UNC13B: variants seen among roughly 807,000 people sequenced by gnomAD.
UNC13B encodes the protein unc-13 homolog B.
A neutral mutation model predicts 211.0 loss-of-function variants in UNC13B; 144 were observed. The ratio of observed to expected loss-of-function variants is 0.68; its 90% CI spans 0.60 to 0.78. The LOEUF (loss-of-function observed/expected upper bound fraction) is 0.78, where lower values mean the gene tolerates loss of function less well. UNC13B is among the 30% of genes least tolerant of loss of function. The pLI is 0.00. For missense variants in UNC13B, 1,777 were observed against 2,002.0 expected (o/e 0.89, Z 2.14); for synonymous variants, 709 against 725.8 (o/e 0.98, Z 0.37).
At chr9:35,204,827 G>A (rs1222096823) in intron 1 of UNC13B, among the ~76,000 whole-genome samples, 1 of 152,202 alleles carries the variant, frequency 6.6e-6, no homozygotes, top group East Asian at 1.9e-4. Context: ...TTGAGTTAAT[G>A]CTGGAATGTG....
intron 1 of UNC13B, among the ~76,000 whole-genome samples, chr9:35,222,808 C>T (rs1387141390): frequency 1.3e-5 from 2 of 152,212 alleles, no homozygotes; most frequent in Non-Finnish European, 2.9e-5. Context: ...CGTATTCCTT[C>T]AATATAACTG....
At chr9:35,281,420 AAAAGAGAG>A (rs1828485086) in intron 7 of UNC13B, among the ~76,000 whole-genome samples, 1 of 142,344 alleles carries the variant, frequency 7.0e-6, no homozygotes, top group Non-Finnish European at 1.6e-5. Context: ...AAAAAAAAAA[AAAAGAGAG>A]AGAGAGGAAT....
At chr9:35,400,876 T>C (rs1836251457) in intron 37 of UNC13B, among the ~76,000 whole-genome samples, 1 of 151,880 alleles carries the variant, frequency 6.6e-6, no homozygotes, top group Admixed American at 6.6e-5. Flanking sequence ...GCAGCATGGA[T>C]AGGGAGACAA....
At chr9:35,336,735 A>G (rs903384933) in intron 11 of UNC13B, among the ~76,000 whole-genome samples, 39 of 152,090 alleles carry the variant, frequency 2.6e-4, no homozygotes, top group African/African-American at 9.2e-4. Flanking sequence ...CACCTCCCCA[A>G]AGGCTCACCT....
intron 28 of UNC13B, 100 bp from the exon 29 acceptor site, chr9:35,397,067 G>A: frequency 6.3e-7 from 1 of 1,599,928 alleles, no homozygotes; most frequent in African/African-American, 1.3e-5. Context: ...GGCTGTTGAG[G>A]GCCATTAGCC....
intron 1 of UNC13B, among the ~76,000 whole-genome samples, chr9:35,199,346 G>C (rs1483837417): frequency 1.3e-5 from 2 of 152,054 alleles, no homozygotes; most frequent in East Asian, 1.9e-4. Flanking sequence ...ATAATCCTTT[G>C]GGTATATGCC....
intron 6 of UNC13B, among the ~76,000 whole-genome samples, chr9:35,251,058 G>A (rs975944839): frequency 6.6e-6 from 1 of 150,440 alleles, no homozygotes; most frequent in Non-Finnish European, 1.5e-5. Flanking sequence ...CACCTCCCGG[G>A]TTCATGCCAT....
intron 7 of UNC13B, among the ~76,000 whole-genome samples, chr9:35,263,591 C>T (rs1226710774): frequency 1.3e-5 from 2 of 152,074 alleles, no homozygotes; most frequent in African/African-American, 4.8e-5. Flanking sequence ...CAACTTAAAA[C>T]CCTCAGTGTG....
intron 1 of UNC13B, among the ~76,000 whole-genome samples, chr9:35,196,271 G>T (rs971503962): frequency 2.6e-5 from 4 of 152,192 alleles, no homozygotes; most frequent in African/African-American, 9.7e-5. Context: ...AAATAGATGG[G>T]TTACAAACAA....
chr9:35,317,892 T>A (rs912200979), intron 11 of UNC13B, among the ~76,000 whole-genome samples: 12 of 152,078 alleles, frequency 7.9e-5, no homozygotes, highest in Non-Finnish European at 1.6e-4. Flanking sequence ...ACTTACTGAT[T>A]TTTTATTTCT....
intron 1 of UNC13B, among the ~76,000 whole-genome samples, chr9:35,179,643 T>C (rs1821826433): frequency 6.6e-6 from 1 of 151,970 alleles, no homozygotes; most frequent in African/African-American, 2.4e-5. Context: ...ATATAAAAAT[T>C]AGCTGGGTGT....
chr9:35,289,425 T>C (rs1003470146), intron 7 of UNC13B, among the ~76,000 whole-genome samples: 1 of 152,140 alleles, frequency 6.6e-6, no homozygotes, highest in South Asian at 2.1e-4. Flanking sequence ...TTTCTGCTTC[T>C]TATTTATTAG....
chr9:35,340,788 T>C (rs565676389), intron 11 of UNC13B, among the ~76,000 whole-genome samples: 4 of 152,358 alleles, frequency 2.6e-5, no homozygotes, highest in African/African-American at 9.6e-5. Context: ...TCTGAGGTTA[T>C]CTAGGTTCAT....
chr9:35,396,530 A>C lies in UNC13B; in HGVS notation c.11363A>C (p.Lys3788Thr). The C allele has an allele frequency of 6.2e-7, 1 of 1,614,174 alleles. No homozygotes were observed. Among genetic ancestry groups the C allele is most frequent in the East Asian group, 2.2e-5 (1 of 44,886 alleles). ...GCTGACTACATGAACCTGCACTTCAAGGTGAAGTGGCTCCACAATGAATAC... is the reference window on the plus strand; with the variant it reads ...GCTGACTACATGAACCTGCACTTCACGGTGAAGTGGCTCCACAATGAATAC... The part of the protein sequence containing the change: ...KSADYMNLHF[K>T]VKWLHNEYVR... The change falls in exon 27 of 40, where the codon AAG (lysine) becomes ACG (threonine). Residue 3788 changes from lysine to threonine, a missense_variant. Coordinates refer to ENST00000635942, the MANE Select transcript of UNC13B (RefSeq NM_001371189.2).
At chr9:35,234,916 A>G (rs1237550683) in intron 3 of UNC13B, among the ~76,000 whole-genome samples, 1 of 152,168 alleles carries the variant, frequency 6.6e-6, no homozygotes, top group Non-Finnish European at 1.5e-5. Context: ...ACAGACTTGA[A>G]GCTTCTACTT....
rs917060120 is a variant in UNC13B, at chr9:35,302,237, A to T, written c.2833A>T (p.Ser945Cys). 1 of 398,636 alleles carries T rather than the reference A, an allele frequency of 2.5e-6. No individual in the cohort carries two copies. Among genetic ancestry groups the T allele is most frequent in the African/African-American group, 2.1e-5 (1 of 48,624 alleles). 24.7% of individuals were successfully genotyped at this position (398,636 alleles called of 1,614,324 possible). The change falls in exon 9 of 40, where the codon AGT (serine) becomes TGT (cysteine). Residue 945 changes from serine to cysteine, a missense_variant. Transcript: ENST00000635942. ...NIHSDLGKFDSTEEFKKNDQI... is the reference protein window; with the variant it reads ...NIHSDLGKFDCTEEFKKNDQI... ...TCATAGTGATCTAGGAAAATTTGAC[A>T]GTACAGAGGAATTTAAAAAGAATGA...
intron 1 of UNC13B, among the ~76,000 whole-genome samples, chr9:35,178,051 A>G (rs1325075481): frequency 1.3e-5 from 2 of 152,152 alleles, no homozygotes; most frequent in Non-Finnish European, 2.9e-5. Flanking sequence ...GTTACTCAGG[A>G]GATCAGGGTT....
chr9:35,385,587 T>C, intron 22 of UNC13B, 137 bp from the exon 23 acceptor site: 1 of 1,416,588 alleles, frequency 7.1e-7, no homozygotes, highest in Non-Finnish European at 9.3e-7. Context: ...CCTGTAACTT[T>C]ACAGTGTTTT....
chr9:35,359,980 G>A (rs12353066), intron 11 of UNC13B, among the ~76,000 whole-genome samples: 11,998 of 152,190 alleles, frequency 0.079, 1,588 homozygotes, highest in African/African-American at 0.27. Context: ...GGCCTGTAGA[G>A]CCCTATTTGA....
Sources: gnomAD v4.1 joint callset for allele counts (sites outside exome capture counted in the v4.1 genomes callset) on GRCh38, gnomAD v4.1.1 for gene constraint, MANE v1.5 for transcripts, NCBI Gene and HGNC (gene_info 2026-07-23, HGNC 2026-07-21) for gene names.